The following SNTG1 variants were observed in gnomAD, a reference collection of about 807,000 sequenced individuals.
SNTG1 encodes syntrophin gamma 1.
In SNTG1, 39 loss-of-function variants were observed where a neutral mutation model predicts 74.7. The ratio of observed to expected loss-of-function variants is 0.52; its 90% CI spans 0.40 to 0.68. The LOEUF (loss-of-function observed/expected upper bound fraction) is 0.68, where lower values mean the gene tolerates loss of function less well. Among genes scored for constraint, SNTG1 ranks in the 30% least tolerant of loss-of-function variants. The pLI, the probability that SNTG1 is intolerant of heterozygous loss-of-function variation, is 0.00. For missense variants in SNTG1, 685 were observed against 609.5 expected (o/e 1.12, Z -1.30); for synonymous variants, 254 against 217.1 (o/e 1.17, Z -1.49).
intron 8 of SNTG1, among the ~76,000 whole-genome samples, chr8:50,489,385 CCCA>C (rs1207814814): frequency 2.0e-5 from 3 of 152,290 alleles, no homozygotes; most frequent in Admixed American, 2.0e-4. Context: ...AATTTACACT[CCCA>C]CCAACAGTGT....
At chr8:50,460,222 C>A (rs1019203443) in intron 8 of SNTG1, among the ~76,000 whole-genome samples, 2 of 152,090 alleles carry the variant, frequency 1.3e-5, no homozygotes, top group East Asian at 3.9e-4. Flanking sequence ...ATTTACATTT[C>A]TTTGATGATT....
intron 1 of SNTG1, among the ~76,000 whole-genome samples, chr8:49,949,237 A>C (rs945304889): frequency 6.6e-6 from 1 of 152,242 alleles, no homozygotes; most frequent in African/African-American, 2.4e-5. Flanking sequence ...GAATCATTTG[A>C]AATGGCACCA....
chr8:50,303,601 G>T (rs572410160), intron 2 of SNTG1, among the ~76,000 whole-genome samples: 22 of 152,032 alleles, frequency 1.4e-4, no homozygotes, highest in African/African-American at 5.1e-4. Context: ...ATATGTATTT[G>T]TAGCATTTTC....
intron 1 of SNTG1, among the ~76,000 whole-genome samples, chr8:50,036,465 A>G (rs1010582720): frequency 2.0e-5 from 3 of 152,174 alleles, no homozygotes; most frequent in African/African-American, 7.2e-5. Context: ...CCAGGAAGCC[A>G]CCACAGTCTG....
At chr8:50,032,824 C>T (rs1400086079) in intron 1 of SNTG1, among the ~76,000 whole-genome samples, 1 of 152,102 alleles carries the variant, frequency 6.6e-6, no homozygotes, top group Non-Finnish European at 1.5e-5. Context: ...TGCTAAAAGT[C>T]CCAGGAACCA....
At chr8:50,459,219 C>G (rs916446816) in intron 8 of SNTG1, among the ~76,000 whole-genome samples, 1 of 152,094 alleles carries the variant, frequency 6.6e-6, no homozygotes, top group Non-Finnish European at 1.5e-5. Context: ...TAATGCTGTT[C>G]CATTAATTTA....
intron 2 of SNTG1, among the ~76,000 whole-genome samples, chr8:50,179,284 A>T (rs2083114450): frequency 6.6e-6 from 1 of 152,162 alleles, no homozygotes; most frequent in African/African-American, 2.4e-5. Context: ...CTCATTGGTT[A>T]TTTGAGTCTT....
intron 1 of SNTG1, among the ~76,000 whole-genome samples, chr8:50,096,778 T>G (rs898889369): frequency 1.3e-5 from 2 of 152,148 alleles, no homozygotes; most frequent in Non-Finnish European, 2.9e-5. Context: ...GGTAAGATTA[T>G]CCACAAAAGT....
At chr8:50,202,811 A>C (rs2084041535) in intron 2 of SNTG1, among the ~76,000 whole-genome samples, 1 of 147,620 alleles carries the variant, frequency 6.8e-6, no homozygotes, top group Admixed American at 6.7e-5. Flanking sequence ...TTTTTTTTAC[A>C]GTTTGAAAAT....
intron 2 of SNTG1, among the ~76,000 whole-genome samples, chr8:50,217,060 G>T (rs2084824249): frequency 6.6e-6 from 1 of 151,386 alleles, no homozygotes; most frequent in Non-Finnish European, 1.5e-5. Flanking sequence ...GAAACAAATG[G>T]GCTGACAAAC....
At chr8:50,074,126 C>T (rs1821617483) in intron 1 of SNTG1, among the ~76,000 whole-genome samples, 2 of 152,134 alleles carry the variant, frequency 1.3e-5, no homozygotes, top group South Asian at 2.1e-4. Context: ...TTGTCTACAT[C>T]AAAAATCTGT....
chr8:50,424,885 A>G lies in SNTG1; in HGVS notation c.163-13658A>G, dbSNP rs185878928. ...AACATAATTATGCTCTGCTCATTGTATTCAGTGGGAATAATATTTCAAAGT... is the reference window on the plus strand; with the variant it reads ...AACATAATTATGCTCTGCTCATTGTGTTCAGTGGGAATAATATTTCAAAGT... On this transcript the variant is annotated intron_variant, in intron 4 of 18. Coordinates refer to ENST00000642720, the MANE Select transcript of SNTG1 (RefSeq NM_018967.5). 6.9e-3 allele frequency among the ~76,000 whole-genome samples: 1,055 copies of G among 152,298 alleles called. 4 individuals are homozygous for G. The highest frequency in any genetic ancestry group is 0.031 in the Middle Eastern group (9 of 294).
chr8:50,203,210 T>C (rs1379010536), intron 2 of SNTG1, among the ~76,000 whole-genome samples: 1 of 152,206 alleles, frequency 6.6e-6, no homozygotes, highest in East Asian at 1.9e-4. Flanking sequence ...TGTTTCTGTT[T>C]CAGAGTTTTT....
At chr8:50,501,404 C>G (rs1168478121) in intron 8 of SNTG1, among the ~76,000 whole-genome samples, 1 of 136,118 alleles carries the variant, frequency 7.3e-6, no homozygotes, top group Non-Finnish European at 1.5e-5. Flanking sequence ...TGGGGAGGAG[C>G]AGAGAGAGAT....
chr8:50,792,327 G>C (rs576729254), intron 18 of SNTG1, among the ~76,000 whole-genome samples: 1 of 151,818 alleles, frequency 6.6e-6, no homozygotes, highest in East Asian at 1.9e-4. Flanking sequence ...TGCACAAAGA[G>C]ATAAAAATAC....
At chr8:50,590,828 G>C (rs775038002) in intron 12 of SNTG1, 51 bp from the exon 13 acceptor site, 1 of 1,234,544 alleles carries the variant, frequency 8.1e-7, no homozygotes, top group Non-Finnish European at 1.1e-6. Context: ...TGGGGACCTT[G>C]TGTTACCATC....
intron 15 of SNTG1, among the ~76,000 whole-genome samples, chr8:50,660,194 A>G (rs1469429102): frequency 6.6e-6 from 1 of 151,180 alleles, no homozygotes; most frequent in African/African-American, 2.5e-5. Context: ...AAAAGAAAGA[A>G]AGAAAAGAAA....
At chr8:50,469,758 C>T (rs1316504838) in intron 8 of SNTG1, among the ~76,000 whole-genome samples, 1 of 152,164 alleles carries the variant, frequency 6.6e-6, no homozygotes, top group Non-Finnish European at 1.5e-5. Context: ...ATGGTCAGAT[C>T]TCTTCAGGCC....
intron 13 of SNTG1, among the ~76,000 whole-genome samples, chr8:50,596,881 A>C (rs754136704): frequency 1.3e-5 from 2 of 152,036 alleles, no homozygotes; most frequent in African/African-American, 2.4e-5. Context: ...TAATTGCCAA[A>C]TCCATCACTT....
Sources: gnomAD v4.1 joint callset for allele counts (sites outside exome capture counted in the v4.1 genomes callset) on GRCh38, gnomAD v4.1.1 for gene constraint, MANE v1.5 for transcripts, NCBI Gene and HGNC (gene_info 2026-07-23, HGNC 2026-07-21) for gene names.